IL17B: variants seen among roughly 807,000 people sequenced by gnomAD.
IL17B encodes the protein interleukin 17B, also known as interleukin-17B.
A neutral mutation model predicts 14.7 loss-of-function variants in IL17B; 14 were observed. The observed-to-expected ratio is 0.95, with a 90% CI of 0.63 to 1.49. IL17B has a LOEUF of 1.49. IL17B is among the 40% of genes most tolerant of loss of function. The probability of loss-of-function intolerance (pLI) is 0.00; values close to 1 mark genes in which losing one functional copy is unlikely to be tolerated. For missense variants in IL17B, 233 were observed against 252.8 expected, an observed-to-expected ratio of 0.92 and a Z score of 0.53; for synonymous variants, 105 against 94.8, an observed-to-expected ratio of 1.11 and a Z score of -0.62.
At chr5:149,392,307 T>C (rs1196272512) in intron 1 of IL17B, among the ~76,000 whole-genome samples, 1 of 152,254 alleles carries the variant, frequency 6.6e-6, no homozygotes, top group Non-Finnish European at 1.5e-5. Context: ...AATCTGTTAG[T>C]ACAATAGCAT....
chr5:149,383,513 A>G (rs1203149785), upstream of IL17B, among the ~76,000 whole-genome samples: 2 of 152,154 alleles, frequency 1.3e-5, no homozygotes, highest in Non-Finnish European at 2.9e-5. Context: ...AGGAGGGTGC[A>G]GCCCCCTAGG....
intron 1 of IL17B, 42 bp from the exon 2 acceptor site, chr5:149,377,067 C>T: frequency 6.7e-7 from 1 of 1,498,828 alleles, no homozygotes; most frequent in Non-Finnish European, 8.9e-7. Context: ...AGAGCCAAGT[C>T]TCTATCTGGG....
upstream of IL17B, among the ~76,000 whole-genome samples, chr5:149,379,862 T>A (rs1314976310): frequency 6.6e-6 from 1 of 152,130 alleles, no homozygotes; most frequent in African/African-American, 2.4e-5. Context: ...GTTAGAGGTG[T>A]CAGAGCTGCT....
intron 1 of IL17B, among the ~76,000 whole-genome samples, chr5:149,384,894 G>A (rs980479351): frequency 6.6e-6 from 1 of 151,462 alleles, no homozygotes; most frequent in Non-Finnish European, 1.5e-5. Context: ...GTTGTGGGGT[G>A]GAGGGGTTGT....
chr5:149,385,805 A>T (rs1178079365), intron 1 of IL17B, among the ~76,000 whole-genome samples: 2 of 152,122 alleles, frequency 1.3e-5, no homozygotes. Flanking sequence ...GAAGGCCCCA[A>T]CCCTGCCCTC....
chr5:149,380,778 G>A (rs1386152281), upstream of IL17B, among the ~76,000 whole-genome samples: 2 of 152,252 alleles, frequency 1.3e-5, no homozygotes, highest in African/African-American at 2.4e-5. Context: ...GAAGAAGGCA[G>A]GGTGAGAGGC....
upstream of IL17B, among the ~76,000 whole-genome samples, chr5:149,384,061 T>A (rs887976081): frequency 2.4e-4 from 36 of 152,372 alleles, no homozygotes; most frequent in East Asian, 3.5e-3. Context: ...GGGAACGCTT[T>A]CTAAGTGCCT....
At chr5:149,386,952 C>T (rs353276) in intron 1 of IL17B, among the ~76,000 whole-genome samples, 16,812 of 152,254 alleles carry the variant, frequency 0.11, 1,262 homozygotes, top group Non-Finnish European at 0.16. Flanking sequence ...GTGATCTACC[C>T]GCCTCAGCGT....
intron 1 of IL17B, among the ~76,000 whole-genome samples, chr5:149,391,072 G>A (rs145083027): frequency 0.015 from 2,335 of 152,102 alleles, 65 homozygotes; most frequent in African/African-American, 0.05. Context: ...CCAGGTTCAA[G>A]CCTCCCACCT....
intron 1 of IL17B, among the ~76,000 whole-genome samples, chr5:149,390,626 C>CAG (rs1470489789): frequency 3.5e-4 from 51 of 145,702 alleles, no homozygotes; most frequent in African/African-American, 1.3e-3. Flanking sequence ...CACACACACA[C>CAG]ACACAGAGAT....
chr5:149,390,265 C>T (rs181468368), intron 1 of IL17B, among the ~76,000 whole-genome samples: 195 of 150,362 alleles, frequency 1.3e-3, no homozygotes, highest in Middle Eastern at 7.0e-3. Context: ...GGGCCTGGCT[C>T]CATCTCTTTG....
At chr5:149,393,755 C>T (rs1021571847) in intron 1 of IL17B, among the ~76,000 whole-genome samples, 1 of 152,084 alleles carries the variant, frequency 6.6e-6, no homozygotes, top group Admixed American at 6.6e-5. Context: ...ATTTAAGCCC[C>T]TGGATCCAGC....
Position 149,395,422 on chromosome 5 carries a change from G to A in IL17B, n.95+8686C>T, listed in dbSNP as rs774922466. The stretch of plus-strand genomic sequence containing the variant: ...TGTTTTTATGGTGTCTTGGGCTCAC[G>A]GAAATTCATTCCACACCCACTCATA... On this transcript the variant is annotated intron_variant and non_coding_transcript_variant, in intron 1 of 2. Transcript: ENST00000505432. Among the ~76,000 whole-genome samples the A allele has an allele frequency of 2.6e-5, 4 of 152,068 alleles. No homozygotes were observed. The East Asian group carries it at 5.8e-4, about 22-fold the overall frequency.
rs147986476 is a variant in IL17B at position 149,376,892 on chromosome 5, C to T, written c.155G>A (p.Arg52Gln). 1.5e-5 allele frequency: 25 copies of T among 1,614,144 alleles called. No homozygotes were observed. In the East Asian group the frequency reaches 2.2e-4, roughly 14 times the overall value. ...PHQVPLDLVS[R>Q]MKPYARMEEY... ...CTCCATGCGGGCATACGGTTTCATC[C>T]GTGACACCAGGTCCAGTGGCACCTG... is the stretch of plus-strand genomic sequence containing the variant. The change falls in exon 2 of 3, where the codon CGG becomes CAG. Residue 52 changes from arginine (R) to glutamine (Q), a missense_variant. By Grantham distance (43) the Arg-to-Gln change is conservative. Coordinates refer to ENST00000261796, the MANE Select transcript of IL17B (RefSeq NM_014443.3).
chr5:149,375,454 G>A (rs2227459), intron 2 of IL17B, among the ~76,000 whole-genome samples: 1 of 152,222 alleles, frequency 6.6e-6, no homozygotes, highest in Non-Finnish European at 1.5e-5. Flanking sequence ...ATCTGAAGCT[G>A]CATTTTTATC....
intron 1 of IL17B, among the ~76,000 whole-genome samples, chr5:149,391,213 G>T (rs541019287): frequency 6.6e-6 from 1 of 152,282 alleles, no homozygotes; most frequent in Admixed American, 6.5e-5. Flanking sequence ...TGATCTGCTC[G>T]TCTTGGCCTC....
At chr5:149,398,213 T>C (rs1169533222) in intron 1 of IL17B, among the ~76,000 whole-genome samples, 1 of 152,232 alleles carries the variant, frequency 6.6e-6, no homozygotes, top group Admixed American at 6.5e-5. Flanking sequence ...TTGTCTAACA[T>C]AATGCAACCA....
intron 1 of IL17B, among the ~76,000 whole-genome samples, chr5:149,397,197 T>A (rs1238301978): frequency 1.3e-5 from 2 of 151,934 alleles, no homozygotes; most frequent in Non-Finnish European, 2.9e-5. Context: ...TGAGATGGAG[T>A]TTTGCTCTTT....
chr5:149,381,678 C>T (rs1294921384), upstream of IL17B, among the ~76,000 whole-genome samples: 2 of 152,220 alleles, frequency 1.3e-5, no homozygotes, highest in Non-Finnish European at 2.9e-5. Flanking sequence ...GGCATGGGCC[C>T]AGCAACAGTC....
Sources: gnomAD v4.1 joint callset for allele counts (sites outside exome capture counted in the v4.1 genomes callset) on GRCh38, gnomAD v4.1.1 for gene constraint, MANE v1.5 for transcripts, NCBI Gene and HGNC (gene_info 2026-07-23, HGNC 2026-07-21) for gene names.